The following PCDH9 variants were observed in gnomAD, a reference collection of about 807,000 sequenced individuals.
PCDH9 encodes protocadherin-9.
PCDH9 carries 24 observed loss-of-function variants against 70.6 expected under a neutral mutation model. That is an observed-to-expected ratio of 0.34 (90% CI 0.25 to 0.48). The LOEUF (loss-of-function observed/expected upper bound fraction) is 0.48. Among genes scored for constraint, PCDH9 ranks in the 20% least tolerant of loss-of-function variants. PCDH9 has a pLI of 0.99. For missense variants in PCDH9, 1,281 were observed against 1,503.6 expected, an observed-to-expected ratio of 0.85 and a Z score of 2.45; for synonymous variants, 562 against 558.5, an observed-to-expected ratio of 1.01 and a Z score of -0.09.
intron 3 of PCDH9, among the ~76,000 whole-genome samples, chr13:66,657,157 T>G (rs1228445916): frequency 6.6e-6 from 1 of 152,120 alleles, no homozygotes; most frequent in East Asian, 1.9e-4. Flanking sequence ...ATATAAAACA[T>G]TATAACCAAT....
chr13:66,956,447 A>C (rs1287749980), intron 2 of PCDH9, among the ~76,000 whole-genome samples: 4 of 152,202 alleles, frequency 2.6e-5, no homozygotes, highest in African/African-American at 9.6e-5. Context: ...CTGTGACTTC[A>C]GTATTACAAG....
intron 2 of PCDH9, among the ~76,000 whole-genome samples, chr13:67,187,444 A>C (rs1445614940): frequency 6.6e-6 from 1 of 152,104 alleles, no homozygotes; most frequent in Non-Finnish European, 1.5e-5. Flanking sequence ...GTTTCCTTAG[A>C]GACAGTTTCT....
intron 2 of PCDH9, among the ~76,000 whole-genome samples, chr13:66,992,961 A>G (rs1446139373): frequency 1.3e-5 from 2 of 152,168 alleles, no homozygotes. Context: ...AGCAGCAAAG[A>G]AGAAAACATG....
chr13:67,127,998 C>T (rs988914343), intron 2 of PCDH9, among the ~76,000 whole-genome samples: 1 of 152,060 alleles, frequency 6.6e-6, no homozygotes, highest in Non-Finnish European at 1.5e-5. Flanking sequence ...GATATTACAG[C>T]GGTATTCTCA....
intron 4 of PCDH9, among the ~76,000 whole-genome samples, chr13:66,400,258 A>G (rs1957164870): frequency 6.6e-6 from 1 of 152,232 alleles, no homozygotes; most frequent in South Asian, 2.1e-4. Flanking sequence ...GTCTGTTAAG[A>G]CACAGCTTTG....
chr13:66,434,480 A>G (rs1957832077), intron 4 of PCDH9, among the ~76,000 whole-genome samples: 2 of 152,018 alleles, frequency 1.3e-5, no homozygotes, highest in Admixed American at 1.3e-4. Flanking sequence ...AAAATATGGT[A>G]CATTAAAGTG....
intron 4 of PCDH9, among the ~76,000 whole-genome samples, chr13:66,380,448 C>T (rs185500800): frequency 2.0e-5 from 3 of 148,784 alleles, no homozygotes; most frequent in Non-Finnish European, 4.4e-5. Flanking sequence ...AAAAACAAGA[C>T]GAAACTCCAT....
chr13:67,214,711 A>G (rs968734420), intron 2 of PCDH9: 13 of 151,842 alleles, frequency 8.6e-5, no homozygotes, highest in African/African-American at 2.9e-4. Context: ...CAAAAGTCCT[A>G]AATAATCTGA....
intron 2 of PCDH9, among the ~76,000 whole-genome samples, chr13:67,008,446 G>A (rs1460333823): frequency 6.6e-6 from 1 of 151,914 alleles, no homozygotes; most frequent in African/African-American, 2.4e-5. Context: ...ATTGTTATTC[G>A]GGAAATATGC....
chr13:67,189,924 C>A (rs1351509133), intron 2 of PCDH9, among the ~76,000 whole-genome samples: 1 of 151,890 alleles, frequency 6.6e-6, no homozygotes, highest in Non-Finnish European at 1.5e-5. Flanking sequence ...GTAGTGAATG[C>A]AGTTTTTAAA....
At chr13:66,452,456 C>T (rs534713460) in intron 4 of PCDH9, among the ~76,000 whole-genome samples, 3 of 152,258 alleles carry the variant, frequency 2.0e-5, no homozygotes, top group African/African-American at 4.8e-5. Flanking sequence ...GTTCCCTCTT[C>T]CTCATCCCCA....
intron 4 of PCDH9, among the ~76,000 whole-genome samples, chr13:66,552,783 G>T (rs1961547172): frequency 6.6e-6 from 1 of 152,088 alleles, no homozygotes; most frequent in Non-Finnish European, 1.5e-5. Context: ...GAATGTACTA[G>T]TCCATTCTCA....
intron 4 of PCDH9, among the ~76,000 whole-genome samples, chr13:66,568,525 AAG>A (rs2076685198): frequency 6.6e-6 from 1 of 150,688 alleles, no homozygotes; most frequent in Admixed American, 6.6e-5. Flanking sequence ...AAAAAAAAAA[AAG>A]AAAGAAAGAA....
At chr13:66,906,406 T>C (rs759210232) in intron 2 of PCDH9, among the ~76,000 whole-genome samples, 24 of 152,192 alleles carry the variant, frequency 1.6e-4, no homozygotes, top group Non-Finnish European at 2.4e-4. Context: ...GCACAACATA[T>C]AGTGAGAAGT....
chr13:66,791,962 C>T (rs112830374), intron 3 of PCDH9, among the ~76,000 whole-genome samples: 8 of 152,118 alleles, frequency 5.3e-5, no homozygotes, highest in African/African-American at 1.9e-4. Flanking sequence ...TATTCCAAGA[C>T]TCTTACACAC....
intron 4 of PCDH9, among the ~76,000 whole-genome samples, chr13:66,480,497 A>G (rs1958817307): frequency 6.6e-6 from 1 of 152,232 alleles, no homozygotes; most frequent in Admixed American, 6.5e-5. Flanking sequence ...GTGCTATCAA[A>G]CAGCATCACA....
intron 4 of PCDH9, among the ~76,000 whole-genome samples, chr13:66,356,934 G>A (rs1037751310): frequency 6.6e-6 from 1 of 151,970 alleles, no homozygotes; most frequent in Non-Finnish European, 1.5e-5. Flanking sequence ...TACAGGGTTA[G>A]GACATTGTAG....
intron 4 of PCDH9, among the ~76,000 whole-genome samples, chr13:66,561,035 G>C (rs980382522): frequency 2.0e-5 from 3 of 152,216 alleles, no homozygotes; most frequent in African/African-American, 7.2e-5. Flanking sequence ...GGCCGGAGCC[G>C]GCTGCCTCAG....
intron 2 of PCDH9, among the ~76,000 whole-genome samples, chr13:67,144,095 T>C (rs1360733924): frequency 1.3e-5 from 2 of 152,156 alleles, no homozygotes; most frequent in African/African-American, 4.8e-5. Context: ...AGCTTTCTAA[T>C]ATCAAAATGT....
Sources: gnomAD v4.1 joint callset for allele counts (sites outside exome capture counted in the v4.1 genomes callset) on GRCh38, gnomAD v4.1.1 for gene constraint, MANE v1.5 for transcripts, NCBI Gene and HGNC (gene_info 2026-07-23, HGNC 2026-07-21) for gene names.